MAPK10: variants seen among roughly 807,000 people sequenced by gnomAD.
MAPK10 encodes JNK3 alpha protein kinase.
Under a neutral mutation model 59.3 loss-of-function variants are expected in MAPK10, and 25 were observed. The observed-to-expected ratio is 0.42, with a 90% CI of 0.31 to 0.59. The LOEUF (loss-of-function observed/expected upper bound fraction) is 0.59. Ranked by LOEUF, MAPK10 falls within the 20% of genes least tolerant of loss-of-function variation. MAPK10 has a pLI of 0.15. For synonymous variants in MAPK10, 190 were observed against 200.5 expected (o/e 0.95, Z 0.44); for missense variants, 351 against 568.9 (o/e 0.62, Z 3.90).
chr4:86,539,479 A>C (rs1758508190), intron 1 of MAPK10, among the ~76,000 whole-genome samples: 1 of 152,180 alleles, frequency 6.6e-6, no homozygotes, highest in Non-Finnish European at 1.5e-5. Context: ...TGCTTTTAGA[A>C]ACCCTTGGTC....
intron 1 of MAPK10, among the ~76,000 whole-genome samples, chr4:86,558,364 T>G (rs989376844): frequency 6.6e-6 from 1 of 152,170 alleles, no homozygotes; most frequent in African/African-American, 2.4e-5. Flanking sequence ...CTGTCTTTCA[T>G]CTTTGGCCTT....
chr4:86,081,177 AAGTT>A (rs2149030309), intron 9 of MAPK10: 1 of 152,170 alleles, frequency 6.6e-6, no homozygotes, highest in Admixed American at 6.5e-5. Context: ...AAGAAAGAGT[AAGTT>A]AGTCAATAAA....
At chr4:86,533,236 C>T (rs921167269) in intron 1 of MAPK10, among the ~76,000 whole-genome samples, 12 of 151,612 alleles carry the variant, frequency 7.9e-5, no homozygotes, top group Admixed American at 5.9e-4. Flanking sequence ...ACACTGGTTA[C>T]GAGGGGTAAA....
intron 2 of MAPK10, among the ~76,000 whole-genome samples, chr4:86,291,952 C>T (rs1379241788): frequency 6.6e-6 from 1 of 152,098 alleles, no homozygotes; most frequent in Non-Finnish European, 1.5e-5. Context: ...CACAATGATT[C>T]CCTCAAGAAA....
intron 3 of MAPK10, among the ~76,000 whole-genome samples, chr4:86,168,436 C>T (rs2072714782): frequency 6.6e-6 from 1 of 152,220 alleles, no homozygotes; most frequent in Non-Finnish European, 1.5e-5. Context: ...AAGGGTCCTA[C>T]ACGCACGGAG....
At chr4:86,184,211 T>C (rs1308419355) in intron 3 of MAPK10, among the ~76,000 whole-genome samples, 2 of 152,216 alleles carry the variant, frequency 1.3e-5, no homozygotes, top group African/African-American at 2.4e-5. Context: ...ATGAAGTCCT[T>C]GCCCATGCCT....
At position 86,382,796 on chromosome 4, in the gene MAPK10, C is replaced by T. The variant is rs534513295; in HGVS notation, c.-121-28152G>A. 4.8e-4 allele frequency among the ~76,000 whole-genome samples: 73 copies of T among 152,212 alleles called. 1 individual carries two copies. In the Middle Eastern group the frequency reaches 0.01, roughly 21 times the overall value. The stretch of plus-strand genomic sequence containing the variant: ...TTAGAGAACCTCTGTTTTTCTGTTT[C>T]TCAGTAGTGTCAGAGAGCCACTGTT... On this transcript the variant is annotated intron_variant, in intron 1 of 13. Coordinates refer to the MAPK10 transcript ENST00000361569.
chr4:86,386,217 G>A (rs1393501621), intron 1 of MAPK10, among the ~76,000 whole-genome samples: 1 of 152,160 alleles, frequency 6.6e-6, no homozygotes, highest in Non-Finnish European at 1.5e-5. Flanking sequence ...CTCCGCTCCT[G>A]GTTGACATTG....
Position 86,359,422 on chromosome 4 carries a change from C to T in MAPK10, c.-122+236G>A, listed in dbSNP as rs948947885. ...ATGCTCCCTCCCTCCCTCTGCTACC[C>T]CTCACTCCAAATGGAAAGGTTTCAA... On this transcript the variant is annotated intron_variant, in intron 1 of 13. Transcript: ENST00000641462. 2.0e-5 allele frequency among the ~76,000 whole-genome samples: 3 copies of T among 151,548 alleles called. No individual in the cohort carries two copies. The East Asian group carries it at 5.8e-4, about 29-fold the overall frequency.
At chr4:86,475,835 C>G (rs1255396059) in intron 1 of MAPK10, among the ~76,000 whole-genome samples, 2 of 151,978 alleles carry the variant, frequency 1.3e-5, no homozygotes, top group Non-Finnish European at 2.9e-5. Context: ...CTATGGGCAG[C>G]CTTCACCCCT....
At position 86,070,538 on chromosome 4, in the gene MAPK10, C is replaced by A. The variant is rs2047676156; in HGVS notation, c.803-2583G>T. On this transcript the variant is annotated intron_variant, in intron 9 of 13. Transcript: ENST00000641462. ...GTATATCTCCCAATGCTATCCTTCCCCCCTCCCCCCACCCCACCACAGTCC... is the reference window on the plus strand; with the variant it reads ...GTATATCTCCCAATGCTATCCTTCCACCCTCCCCCCACCCCACCACAGTCC... Among the ~76,000 whole-genome samples, 4 of 133,364 alleles carry A rather than the reference C, an allele frequency of 3.0e-5. No homozygotes were observed. In the Admixed American group the frequency reaches 3.2e-4, roughly 11 times the overall value. The allele number at this position is 133,364 out of a possible 152,430, so 87.5% of individuals were successfully genotyped here.
chr4:86,039,150 C>T (rs2040954707), intron 11 of MAPK10, among the ~76,000 whole-genome samples: 2 of 152,136 alleles, frequency 1.3e-5, no homozygotes, highest in Admixed American at 1.3e-4. Flanking sequence ...TCCAGTGCTC[C>T]CTCTCTCACA....
intron 9 of MAPK10, among the ~76,000 whole-genome samples, chr4:86,097,672 T>C (rs2054500395): frequency 6.6e-6 from 1 of 152,036 alleles, no homozygotes; most frequent in Admixed American, 6.6e-5. Flanking sequence ...TTTAAAAGTA[T>C]ATTATACTAT....
chr4:86,180,506 A>G (rs1400777172), intron 3 of MAPK10, among the ~76,000 whole-genome samples: 1 of 150,186 alleles, frequency 6.7e-6, no homozygotes, highest in Non-Finnish European at 1.5e-5. Context: ...AAAAAAAAGA[A>G]GAAGAAAAAA....
intron 2 of MAPK10, among the ~76,000 whole-genome samples, chr4:86,220,322 G>A (rs1021524397): frequency 5.3e-5 from 8 of 151,958 alleles, no homozygotes; most frequent in Non-Finnish European, 1.0e-4. Context: ...TGCTAAATGC[G>A]TCATCCAGAG....
At chr4:86,071,245 T>A (rs903271172) in intron 9 of MAPK10, among the ~76,000 whole-genome samples, 2 of 151,956 alleles carry the variant, frequency 1.3e-5, no homozygotes. Flanking sequence ...GGTTGTTTGT[T>A]TTTTTCTTGT....
intron 1 of MAPK10, among the ~76,000 whole-genome samples, chr4:86,539,141 A>C (rs948506374): frequency 2.0e-5 from 3 of 152,194 alleles, no homozygotes; most frequent in African/African-American, 7.2e-5. Flanking sequence ...GAAATTAGAA[A>C]TAATGAGCTC....
chr4:86,078,297 T>C (rs564158158), intron 9 of MAPK10, among the ~76,000 whole-genome samples: 73 of 152,320 alleles, frequency 4.8e-4, no homozygotes, highest in Non-Finnish European at 7.8e-4. Flanking sequence ...ACCTGTTTGT[T>C]AACTTGGGGG....
Position 86,541,947 on chromosome 4 carries a change from GCACACACACACACACA to G in MAPK10, c.-263+51947_-263+51962del, listed in dbSNP as rs10555824. Among the ~76,000 whole-genome samples the G allele has an allele frequency of 6.3e-3, 885 of 140,470 alleles. 6 individuals carry two copies. Among genetic ancestry groups the G allele is most frequent in the African/African-American group, 0.02 (767 of 37,526 alleles). The allele number at this position is 140,470 out of a possible 152,430, so 92.2% of individuals were successfully genotyped here. A position where few individuals can be genotyped will look rare whatever the true frequency, so the allele number is the denominator to read the frequency against. ...TTTGTAAATGCACATGAATACACCG[GCACACACACACACACA>G]CACACACACACACACACACACACAC... On this transcript the variant is annotated intron_variant, in intron 1 of 4. Coordinates refer to the MAPK10 transcript ENST00000502302.
Sources: gnomAD v4.1 joint callset for allele counts (sites outside exome capture counted in the v4.1 genomes callset) on GRCh38, gnomAD v4.1.1 for gene constraint, MANE v1.5 for transcripts, NCBI Gene and HGNC (gene_info 2026-07-23, HGNC 2026-07-21) for gene names.